TRPV6: variants seen among roughly 807,000 people sequenced by gnomAD.
The protein encoded by TRPV6 is Alu-binding protein with zinc finger domain.
TRPV6 carries 39 observed loss-of-function variants against 79.0 expected under a neutral mutation model. That is an observed-to-expected ratio of 0.49 (90% CI 0.38 to 0.64). TRPV6 has a LOEUF of 0.64. Ranked by LOEUF, TRPV6 falls within the 30% of genes least tolerant of loss-of-function variation. TRPV6 has a pLI of 0.00. For synonymous variants in TRPV6, 373 were observed against 391.9 expected (o/e 0.95, Z 0.57); for missense variants, 813 against 1,011.1 (o/e 0.80, Z 2.66).
chr7:142,876,928 A>G, intron 4 of TRPV6, 91 bp from the exon 5 acceptor site: 1 of 1,535,192 alleles, frequency 6.5e-7, no homozygotes, highest in Non-Finnish European at 8.9e-7. Context: ...ATCTTCCCCC[A>G]CATCTCAGCT....
At chr7:142,872,343 G>T (rs746364385) in intron 14 of TRPV6, 29 bp downstream of exon 14, 20 of 1,610,868 alleles carry the variant, frequency 1.2e-5, no homozygotes, top group Non-Finnish European at 1.7e-5. Context: ...AGGCTTCTCA[G>T]GGGACACCTA....
Position 142,874,098 on chromosome 7 carries a change from C to T in TRPV6, c.1617G>A (p.Val539=), listed in dbSNP as rs141739330. The stretch of plus-strand genomic sequence containing the variant: ...TACCTGAAGCAAAGCCCAGGATGAC[C>T]ACAGCCATCAGCCAGCAGAATCGCA... The change falls in exon 12 of 15, where the codon GTG becomes GTA. Residue 539 remains valine (V), a synonymous_variant. Coordinates refer to ENST00000359396, the MANE Select transcript of TRPV6 (RefSeq NM_018646.6). 60 of 1,613,902 alleles carry T rather than the reference C, an allele frequency of 3.7e-5. No homozygotes were observed. The highest frequency in any genetic ancestry group is 4.7e-5 in the Non-Finnish European group (56 of 1,179,916).
At chr7:142,878,152 T>G in intron 1 of TRPV6, 126 bp from the exon 2 acceptor site, 1 of 740,602 alleles carries the variant, frequency 1.4e-6, no homozygotes, top group Non-Finnish European at 2.4e-6. Flanking sequence ...CCTCAGGGTC[T>G]TCAATCAAGG....
chr7:142,877,015 C>T (rs1795089518), intron 4 of TRPV6, 127 bp downstream of exon 4: 2 of 1,461,388 alleles, frequency 1.4e-6, no homozygotes, highest in Non-Finnish European at 9.2e-7. Context: ...TAATTAAGCC[C>T]TAGAAGGATT....
At position 142,872,473 on chromosome 7, in the gene TRPV6, C is replaced by A. The variant is rs756611380; in HGVS notation, c.1914G>T (p.Val638=). The A allele has an allele frequency of 3.7e-6, 6 of 1,612,982 alleles. No homozygotes were observed. The highest frequency in any genetic ancestry group is 5.1e-6 in the Non-Finnish European group (6 of 1,179,504). ...TCCGCTCCAGCATCACTGTGGTGGCCACAATCTGCGTATGGGAACAAAAGG... is the reference window on the plus strand; with the variant it reads ...TCCGCTCCAGCATCACTGTGGTGGCAACAATCTGCGTATGGGAACAAAAGG... The change falls in exon 14 of 15, where the codon GTG becomes GTT. Residue 638 remains valine (V), a synonymous_variant. Coordinates refer to ENST00000359396, the MANE Select transcript of TRPV6 (RefSeq NM_018646.6).
intron 6 of TRPV6, 155 bp downstream of exon 6, chr7:142,876,253 G>T: frequency 2.6e-6 from 3 of 1,134,816 alleles, no homozygotes; most frequent in Non-Finnish European, 3.7e-6. Context: ...GCAAGAAAGG[G>T]AACAGGTAAC....
Position 142,871,547 on chromosome 7 carries a change from TG to T in TRPV6, c.*159del. 2 of 897,260 alleles carry T rather than the reference TG, an allele frequency of 2.2e-6. No individual in the cohort carries two copies. The highest frequency in any genetic ancestry group is 3.3e-6 in the Non-Finnish European group (2 of 604,608). The allele number at this position is 897,260 out of a possible 1,614,324, so 55.6% of individuals were successfully genotyped here. Reference sequence around the variant, plus strand: ...CAGAGCTGAAGGAGTAATGCAGGCCTGGAGCAGTGATTCTCAACGTACATTC... The same window carrying T: ...CAGAGCTGAAGGAGTAATGCAGGCCTGAGCAGTGATTCTCAACGTACATTC... On this transcript the variant is annotated 3_prime_UTR_variant, in exon 15 of 15. Transcript: ENST00000359396.
At position 142,871,803 on chromosome 7, in the gene TRPV6, A is replaced by G. The variant is rs4987683; in HGVS notation, c.2202T>C (p.Asn734=). ...GGGTCCCTTGCCGAAGCCTTTCCCA[A>G]TTGGCACTGCTGCGGGAGGTACTTC... The change falls in exon 15 of 15, where the codon AAT becomes AAC. Residue 734 remains asparagine, a synonymous_variant. Transcript: ENST00000359396. 0.027 allele frequency: 42,810 copies of G among 1,614,038 alleles called. 718 individuals are homozygous for G. The highest frequency in any genetic ancestry group is 0.084 in the African/African-American group (6,297 of 74,980).
intron 11 of TRPV6, 109 bp downstream of exon 11, chr7:142,874,382 C>T: frequency 7.2e-7 from 1 of 1,398,550 alleles, no homozygotes; most frequent in Non-Finnish European, 1.0e-6. Flanking sequence ...GCAGTGAGGC[C>T]ATGTGTGGCT....
At position 142,876,395 on chromosome 7, in the gene TRPV6, G is replaced by A. The variant is rs760531726; in HGVS notation, c.882+13C>T. 6.2e-7 allele frequency: 1 copy of A among 1,611,080 alleles called. No individual in the cohort carries two copies. Among genetic ancestry groups the A allele is most frequent in the East Asian group, 2.2e-5 (1 of 44,818 alleles). The stretch of plus-strand genomic sequence containing the variant: ...ATTAGAAAGACACCTCAGGGATGGG[G>A]ACCGTCTCTCACCACAGTGTTACCC... On this transcript the variant is annotated intron_variant, in intron 6 of 14. Coordinates refer to ENST00000359396, the MANE Select transcript of TRPV6 (RefSeq NM_018646.6).
chr7:142,873,590 A>C lies in TRPV6; in HGVS notation c.1766T>G (p.Val589Gly). Reference sequence around the variant, plus strand: ...GATGCTGTACATGAAGGGCAGGTCCACGTTGTAGTTGGCTGGGCCATCGAT... The same window carrying C: ...GATGCTGTACATGAAGGGCAGGTCCCCGTTGTAGTTGGCTGGGCCATCGAT... The change falls in exon 13 of 15, where the codon GTG becomes GGG. Residue 589 changes from valine to glycine, a missense_variant. Physicochemically the swap from Val to Gly is moderately radical, Grantham distance 109 (BLOSUM62 -3). Coordinates refer to ENST00000359396, the MANE Select transcript of TRPV6 (RefSeq NM_018646.6). The surrounding 1 kb of genome is among the most constrained non-coding windows in gnomAD (Gnocchi z 4.8). 1.9e-6 allele frequency: 3 copies of C among 1,614,250 alleles called. No individual in the cohort carries two copies. Among genetic ancestry groups the C allele is most frequent in the Non-Finnish European group, 2.5e-6 (3 of 1,180,048 alleles).
At chr7:142,882,612 A>T (rs918282157) in intron 1 of TRPV6, 4 of 152,168 alleles carry the variant, frequency 2.6e-5, no homozygotes, top group African/African-American at 9.7e-5. Flanking sequence ...TGTTCCTGGC[A>T]ATGGGGATGA....
chr7:142,878,098 G>T, intron 1 of TRPV6, 72 bp from the exon 2 acceptor site: 2 of 1,286,992 alleles, frequency 1.6e-6, no homozygotes, highest in South Asian at 1.2e-5. Context: ...GCCCTGGCTT[G>T]ACTCCATTAT....
rs1334811638 is a variant in TRPV6, at chr7:142,873,032, C to CTAT, written c.1908+413_1908+415dup. ...ATCTGGCTGAAGATAGCTTCTGCTACTATAGGAAGTTTTGGTGGCATTACT... is the reference window on the plus strand; with the variant it reads ...ATCTGGCTGAAGATAGCTTCTGCTACTATTATAGGAAGTTTTGGTGGCATTACT... On this transcript the variant is annotated intron_variant, in intron 13 of 14. Coordinates refer to ENST00000359396, the MANE Select transcript of TRPV6 (RefSeq NM_018646.6). This position sits in a 1 kb window ranked among gnomAD's most constrained non-coding sequence, Gnocchi z 4.8. Among the ~76,000 whole-genome samples the CTAT allele has an allele frequency of 6.6e-6, 1 of 152,192 alleles. No homozygotes were observed. The highest frequency in any genetic ancestry group is 1.5e-5 in the Non-Finnish European group (1 of 68,038).
Position 142,873,687 on chromosome 7 carries a change from G to A in TRPV6, c.1669C>T (p.Pro557Ser). The change falls in exon 13 of 15, where the codon CCC becomes TCC. Residue 557 changes from proline to serine, a missense_variant. Physicochemically the swap from Pro to Ser is moderately conservative, Grantham distance 74. Coordinates refer to ENST00000359396, the MANE Select transcript of TRPV6 (RefSeq NM_018646.6). The surrounding 1 kb of genome is among the most constrained non-coding windows in gnomAD (Gnocchi z 4.8). Reference sequence around the variant, plus strand: ...TCGTAGAAGTGGCCTAGCTCCTCGGGGTCCTCTGTCTGGAAGATGATATAG... The same window carrying A: ...TCGTAGAAGTGGCCTAGCTCCTCGGAGTCCTCTGTCTGGAAGATGATATAG... 6.2e-7 allele frequency: 1 copy of A among 1,614,134 alleles called. No homozygotes were observed. Among genetic ancestry groups the A allele is most frequent in the Non-Finnish European group, 8.5e-7 (1 of 1,180,032 alleles).
chr7:142,871,976 G>T lies in TRPV6; in HGVS notation c.2029C>A (p.Gln677Lys). ...TGGATCCGCTGCCGGTTGAGATCTTGCCTGTCTTCCACCCTGTGGAATGCG... is the reference window on the plus strand; with the variant it reads ...TGGATCCGCTGCCGGTTGAGATCTTTCCTGTCTTCCACCCTGTGGAATGCG... Residue 677 changes from glutamine (Q) to lysine (K), a missense_variant, in exon 15 of 15, where the codon CAA (glutamine) becomes AAA (lysine). Around this residue, in one of 3 missense-constraint regions of TRPV6, gnomAD observed 164 missense variants for 186.1 expected, o/e 0.88. Coordinates refer to ENST00000359396, the MANE Select transcript of TRPV6 (RefSeq NM_018646.6). 1 of 1,599,180 alleles carries T rather than the reference G, an allele frequency of 6.3e-7. No homozygotes were observed. The highest frequency in any genetic ancestry group is 8.5e-7 in the Non-Finnish European group (1 of 1,171,460).
At chr7:142,879,472 G>A (rs1438115445) in intron 1 of TRPV6, 1 of 152,196 alleles carries the variant, frequency 6.6e-6, no homozygotes, top group Non-Finnish European at 1.5e-5. Context: ...GGGAGTAAAT[G>A]AAATAACTCT....
chr7:142,879,469 A>C (rs902990862), intron 1 of TRPV6: 2 of 152,212 alleles, frequency 1.3e-5, no homozygotes, highest in Non-Finnish European at 2.9e-5. Context: ...TATGGGAGTA[A>C]ATGAAATAAC....
chr7:142,876,790 C>T lies in TRPV6; in HGVS notation c.655G>A (p.Val219Met), dbSNP rs747831963. Residue 219 changes from valine to methionine, a missense_variant, in exon 5 of 15, where the codon GTG becomes ATG. Val to Met is a conservative substitution (Grantham distance 21). This residue lies in a region of TRPV6 where 555 missense variants were observed against 631.0 expected (regional missense o/e 0.88). Coordinates refer to ENST00000359396, the MANE Select transcript of TRPV6 (RefSeq NM_018646.6). Reference sequence around the variant, plus strand: ...GCTCCATGCTCAATGAGCAGCCGCACGATCTCCTCACTGTTCACACAGGCA... The same window carrying T: ...GCTCCATGCTCAATGAGCAGCCGCATGATCTCCTCACTGTTCACACAGGCA... The T allele has an allele frequency of 1.4e-5, 22 of 1,613,972 alleles. No homozygotes were observed. Among genetic ancestry groups the T allele is most frequent in the Middle Eastern group, 1.6e-4 (1 of 6,084 alleles).
Sources: allele counts gnomAD v4.1 joint callset (sites outside exome capture counted in the v4.1 genomes callset), GRCh38; gene constraint gnomAD v4.1.1; regional missense constraint gnomAD v4.1.1; non-coding constraint Gnocchi (gnomAD v3.1); transcripts MANE v1.5; gene names NCBI Gene and HGNC (gene_info 2026-07-23, HGNC 2026-07-21).